HECTD4: variants seen among roughly 807,000 people sequenced by gnomAD.
HECTD4 encodes the protein HECT domain E3 ubiquitin protein ligase 4, also known as probable E3 ubiquitin-protein ligase HECTD4.
In HECTD4, 114 loss-of-function variants were observed where a neutral mutation model predicts 471.5. The observed-to-expected ratio is 0.24, with a 90% CI of 0.21 to 0.28. The LOEUF is 0.28. Among genes scored for constraint, HECTD4 ranks in the 10% least tolerant of loss-of-function variants. The pLI, the probability that HECTD4 is intolerant of heterozygous loss-of-function variation, is 1.00. For synonymous variants in HECTD4, 2,012 were observed against 2,256.0 expected (o/e 0.89, Z 3.07); for missense variants, 3,866 against 5,651.5 (o/e 0.68, Z 10.13).
intron 2 of HECTD4, among the ~76,000 whole-genome samples, chr12:112,317,096 G>A (rs987908288): frequency 4.6e-5 from 7 of 152,202 alleles, no homozygotes; most frequent in African/African-American, 1.7e-4. Flanking sequence ...AGATAGTACT[G>A]TCTAAAAGCA....
intron 1 of HECTD4, among the ~76,000 whole-genome samples, chr12:112,351,586 G>A (rs2036249003): frequency 6.6e-6 from 1 of 152,208 alleles, no homozygotes; most frequent in Non-Finnish European, 1.5e-5. Context: ...ACTATTCATA[G>A]TGGCTAAATA....
At chr12:112,377,894 A>G (rs75259664) in intron 1 of HECTD4, among the ~76,000 whole-genome samples, 8,095 of 152,212 alleles carry the variant, frequency 0.053, 279 homozygotes, top group Middle Eastern at 0.16. Context: ...AGAAAGAAAG[A>G]AAAAGAATTT....
At chr12:112,231,181 G>A (rs2033368678) in intron 39 of HECTD4, 2 of 439,494 alleles carry the variant, frequency 4.6e-6, no homozygotes, top group South Asian at 5.9e-5. Flanking sequence ...AGAAGTTTGT[G>A]TTCAGTTGGG....
intron 1 of HECTD4, among the ~76,000 whole-genome samples, chr12:112,324,113 T>C (rs1594045275): frequency 2.3e-5 from 3 of 131,576 alleles, no homozygotes; most frequent in African/African-American, 3.0e-5. Flanking sequence ...CTCTCTCTCT[T>C]TCTTTCTTTT....
chr12:112,283,417 G>A (rs1267733348), intron 7 of HECTD4, 115 bp from the exon 8 acceptor site: 1 of 738,044 alleles, frequency 1.4e-6, no homozygotes, highest in Non-Finnish European at 2.2e-6. Context: ...CTGCTCCTGA[G>A]TAGATGTATA....
At chr12:112,218,946 C>G (rs573493748) in intron 45 of HECTD4, among the ~76,000 whole-genome samples, 2 of 151,970 alleles carry the variant, frequency 1.3e-5, no homozygotes, top group African/African-American at 4.8e-5. Flanking sequence ...GTTGGCCAGG[C>G]TGGTCTCAAA....
intron 66 of HECTD4, among the ~76,000 whole-genome samples, chr12:112,175,499 C>T (rs1235205435): frequency 2.6e-5 from 4 of 152,218 alleles, no homozygotes; most frequent in African/African-American, 7.2e-5. Context: ...TGTCCTGTCA[C>T]GGCAGCCCAA....
At chr12:112,170,276 G>A (rs1300681913) in intron 69 of HECTD4, 57 bp downstream of exon 69, 3 of 1,591,242 alleles carry the variant, frequency 1.9e-6, no homozygotes, top group East Asian at 2.3e-5. Flanking sequence ...CCAGAAATCC[G>A]CTAGTGTGTT....
chr12:112,303,442 AAG>A (rs1173545252), intron 7 of HECTD4, among the ~76,000 whole-genome samples: 2 of 152,244 alleles, frequency 1.3e-5, no homozygotes, highest in African/African-American at 4.8e-5. Context: ...GTAGGGGGAT[AAG>A]AGATACTGCC....
chr12:112,285,728 A>G (rs2034738628), intron 7 of HECTD4, among the ~76,000 whole-genome samples: 1 of 152,032 alleles, frequency 6.6e-6, no homozygotes, highest in East Asian at 1.9e-4. Context: ...ATTTCTATTT[A>G]CAGACCCATC....
At position 112,254,067 on chromosome 12, in the gene HECTD4, A is replaced by G. The variant is rs2033954457; in HGVS notation, c.3423T>C (p.Thr1141=). ...CCTTCACCAAGTCTTTCGGCCAACC[A>G]GTTCCTAAGACACTACGGCTGCCAT... ...LGYGSRSVLG[T]GWPKDLVKVE... is the part of the protein sequence containing the mutation. Residue 1141 remains threonine (T), a synonymous_variant, in exon 22 of 76, where the codon ACT becomes ACC. Transcript: ENST00000682272. The G allele has an allele frequency of 6.2e-7, 1 of 1,613,940 alleles. No individual in the cohort carries two copies. Among genetic ancestry groups the G allele is most frequent in the South Asian group, 1.1e-5 (1 of 91,068 alleles).
chr12:112,216,435 A>C (rs2032918943), intron 47 of HECTD4, 64 bp from the exon 48 acceptor site: 2 of 1,137,178 alleles, frequency 1.8e-6, no homozygotes, highest in South Asian at 2.7e-5. Flanking sequence ...GCCAACACAC[A>C]AACAGGGAAG....
rs2033032887 is a variant in HECTD4, at chr12:112,219,615, T to C, written c.6971-126A>G. ...AGAGCTCATTGAATTTTTTTTTTTT[T>C]TTGAGACAGAGTTTCGTTCTATTGC... On this transcript the variant is annotated intron_variant, in intron 44 of 75. Coordinates refer to ENST00000682272, the MANE Select transcript of HECTD4 (RefSeq NM_001388303.1). 4.8e-6 allele frequency: 3 copies of C among 620,770 alleles called. No individual in the cohort carries two copies. The East Asian group carries it at 9.3e-5, about 19-fold the overall frequency. The allele number at this position is 620,770 out of a possible 1,614,324, so 38.5% of individuals were successfully genotyped here.
chr12:112,331,479 T>A (rs188297109), intron 1 of HECTD4, among the ~76,000 whole-genome samples: 1 of 152,222 alleles, frequency 6.6e-6, no homozygotes. Flanking sequence ...TAACTCTCCC[T>A]CCCCTTAGGC....
Position 112,184,588 on chromosome 12 carries a change from T to C in HECTD4, c.10378A>G (p.Thr3460Ala). 6.2e-7 allele frequency: 1 copy of C among 1,613,834 alleles called. No individual in the cohort carries two copies. The highest frequency in any genetic ancestry group is 8.5e-7 in the Non-Finnish European group (1 of 1,179,858). The change falls in exon 61 of 76, where the codon ACA (threonine) becomes GCA (alanine). Residue 3460 changes from threonine to alanine, a missense_variant. Coordinates refer to ENST00000682272, the MANE Select transcript of HECTD4 (RefSeq NM_001388303.1). This position sits in a 1 kb window ranked among gnomAD's most constrained non-coding sequence, Gnocchi z 9.1. ...GGDGKVEPEKTLAFPGTDSME... is the reference protein window; with the variant it reads ...GGDGKVEPEKALAFPGTDSME... ...CTGTCTGTGCCGGGGAAGGCCAGTG[T>C]CTTCTCGGGCTCAACTTTCCCGTCC...
chr12:112,163,533 GATGT>G lies in HECTD4; in HGVS notation c.12897+5_12897+8del. 6.9e-7 allele frequency: 1 copy of G among 1,457,466 alleles called. No individual in the cohort carries two copies. Among genetic ancestry groups the G allele is most frequent in the Non-Finnish European group, 9.1e-7 (1 of 1,101,182 alleles). The allele number at this position is 1,457,466 out of a possible 1,614,324, so 90.3% of individuals were successfully genotyped here. On this transcript the variant is annotated splice_donor_5th_base_variant and intron_variant, in intron 74 of 75. Transcript: ENST00000682272. The surrounding 1 kb of genome is among the most constrained non-coding windows in gnomAD (Gnocchi z 8.2). ...ACCTCCCCGCCCAGCCTGGCCCTGG[GATGT>G]CTACCTTGAGGAACTCGAGGTTGAT...
intron 60 of HECTD4, among the ~76,000 whole-genome samples, chr12:112,185,980 T>G (rs1034513476): frequency 6.6e-6 from 1 of 152,158 alleles, no homozygotes; most frequent in African/African-American, 2.4e-5. Context: ...GAGGGTGGCA[T>G]TATTTATTTT....
rs558443873 is a variant in HECTD4 at position 112,295,812 on chromosome 12, T to A, written c.1335+10252A>T. Among the ~76,000 whole-genome samples the A allele has an allele frequency of 5.2e-3, 740 of 142,124 alleles. 1 individual carries two copies. Among genetic ancestry groups the A allele is most frequent in the Middle Eastern group, 0.049 (14 of 288 alleles). The allele number at this position is 142,124 out of a possible 152,430, so 93.2% of individuals were successfully genotyped here. Reference sequence around the variant, plus strand: ...ATGCACCATTAAATTAAAAAAAAAATATATATATATATACACACACACACA... The same window carrying A: ...ATGCACCATTAAATTAAAAAAAAAAAATATATATATATACACACACACACA... On this transcript the variant is annotated intron_variant, in intron 7 of 75. Coordinates refer to ENST00000682272, the MANE Select transcript of HECTD4 (RefSeq NM_001388303.1).
chr12:112,259,944 A>AT (rs895141019), intron 18 of HECTD4, among the ~76,000 whole-genome samples: 60 of 147,592 alleles, frequency 4.1e-4, no homozygotes, highest in South Asian at 3.0e-3. Context: ...TCTTCCCCCA[A>AT]TTTTTTTTTT....
Sources: allele counts gnomAD v4.1 joint callset (sites outside exome capture counted in the v4.1 genomes callset), GRCh38; gene constraint gnomAD v4.1.1; non-coding constraint Gnocchi (gnomAD v3.1); transcripts MANE v1.5; gene names NCBI Gene and HGNC (gene_info 2026-07-23, HGNC 2026-07-21).